The following CHIC1 variants were observed in gnomAD, a reference collection of about 807,000 sequenced individuals.
CHIC1 encodes the protein cysteine-rich hydrophobic domain-containing protein 1.
A neutral mutation model predicts 18.5 loss-of-function variants in CHIC1; 7 were observed. The ratio of observed to expected loss-of-function variants is 0.38; its 90% CI spans 0.22 to 0.71. The LOEUF is 0.71. CHIC1 is among the 30% of genes least tolerant of loss of function. The pLI is 0.49. For missense variants in CHIC1, 159 were observed against 176.9 expected, an observed-to-expected ratio of 0.90 and a Z score of 0.57; for synonymous variants, 77 against 73.5, an observed-to-expected ratio of 1.05 and a Z score of -0.25.
At chrX:73,633,400 T>C (rs1204502669) in intron 3 of CHIC1, among the ~76,000 whole-genome samples, 1 of 111,336 alleles carries the variant, frequency 9.0e-6, no homozygotes, top group Non-Finnish European at 1.9e-5. Flanking sequence ...ATCTGCTGAT[T>C]TTCTTATTGG....
At chrX:73,643,413 C>T (rs1264751393) in intron 3 of CHIC1, among the ~76,000 whole-genome samples, 6 of 110,769 alleles carry the variant, frequency 5.4e-5, no homozygotes, top group Non-Finnish European at 1.1e-4. Context: ...GAATGTTAGC[C>T]TGCCTTGCTA....
intron 3 of CHIC1, among the ~76,000 whole-genome samples, chrX:73,596,724 C>T: frequency 9.0e-6 from 1 of 110,874 alleles, no homozygotes; most frequent in Non-Finnish European, 1.9e-5. Flanking sequence ...AATAACACCA[C>T]ACACCTACAA....
chrX:73,658,175 A>G (rs2057959904), intron 3 of CHIC1, among the ~76,000 whole-genome samples: 1 of 104,132 alleles, frequency 9.6e-6, no homozygotes, highest in African/African-American at 3.5e-5. Flanking sequence ...ATTTATTGGA[A>G]TAGTTTTAGT....
rs944880570 is a variant in CHIC1 at position 73,583,229 on chromosome X, T to C, written c.352-1188T>C. Among the ~76,000 whole-genome samples the C allele has an allele frequency of 5.4e-5, 6 of 111,429 alleles. No homozygotes were observed. The Admixed American group carries it at 5.7e-4, about 11-fold the overall frequency. On this transcript the variant is annotated intron_variant, in intron 2 of 5. Coordinates refer to ENST00000373502, the MANE Select transcript of CHIC1 (RefSeq NM_001039840.4). ...ACATGAACAATTCTAATAAAACTTC[T>C]AATAAAGCTTATATATGTAATGTTT...
At chrX:73,668,152 T>C (rs190383123) in intron 3 of CHIC1, among the ~76,000 whole-genome samples, 2 of 112,423 alleles carry the variant, frequency 1.8e-5, no homozygotes, top group Admixed American at 1.9e-4. Flanking sequence ...TTGGTCTACT[T>C]TGCCATTAAT....
intron 3 of CHIC1, among the ~76,000 whole-genome samples, chrX:73,600,446 T>C (rs1284909851): frequency 1.9e-5 from 2 of 104,801 alleles, no homozygotes; most frequent in East Asian, 2.9e-4. Context: ...TTTTTGCCCA[T>C]TCAGTATGAT....
chrX:73,594,732 T>C (rs1202937742), intron 3 of CHIC1, among the ~76,000 whole-genome samples: 2 of 111,694 alleles, frequency 1.8e-5, no homozygotes, highest in Non-Finnish European at 3.8e-5. Context: ...ATAGGAACTC[T>C]ATAGCCATTA....
At chrX:73,592,749 A>T (rs2057588238) in intron 3 of CHIC1, among the ~76,000 whole-genome samples, 1 of 109,583 alleles carries the variant, frequency 9.1e-6, no homozygotes. Context: ...CTCCTCCTCT[A>T]TTTTTTGGAA....
intron 3 of CHIC1, among the ~76,000 whole-genome samples, chrX:73,652,604 T>C (rs144820909): frequency 2.8e-3 from 312 of 112,247 alleles, no homozygotes; most frequent in Non-Finnish European, 4.8e-3. Flanking sequence ...AAGACATTTA[T>C]GTGGCCAACA....
chrX:73,660,705 G>A (rs1159922673), intron 3 of CHIC1, among the ~76,000 whole-genome samples: 3 of 110,711 alleles, frequency 2.7e-5, no homozygotes, highest in African/African-American at 9.9e-5. Context: ...TTCATTTCTG[G>A]TACCGGGTTG....
chrX:73,596,905 A>G (rs763745431), intron 3 of CHIC1, among the ~76,000 whole-genome samples: 7 of 112,428 alleles, frequency 6.2e-5, no homozygotes, highest in African/African-American at 1.6e-4. Context: ...TTTAAATGTA[A>G]GATCCAAAAC....
At chrX:73,572,079 A>T (rs1411815712) in intron 1 of CHIC1, among the ~76,000 whole-genome samples, 2 of 111,110 alleles carry the variant, frequency 1.8e-5, no homozygotes, top group Non-Finnish European at 3.8e-5. Context: ...CATAGTACCC[A>T]ATAGGTAGTT....
chrX:73,639,694 T>G (rs1043150928), intron 3 of CHIC1, among the ~76,000 whole-genome samples: 4 of 111,816 alleles, frequency 3.6e-5, no homozygotes, highest in African/African-American at 1.3e-4. Context: ...TTTTATATGA[T>G]GTAGGAAAGT....
chrX:73,585,480 T>C (rs1289265774), intron 3 of CHIC1, among the ~76,000 whole-genome samples: 6 of 111,242 alleles, frequency 5.4e-5, no homozygotes, highest in African/African-American at 2.0e-4. Context: ...TATTGCTTAG[T>C]CTATTGTTTG....
At chrX:73,583,301 T>A (rs2057536282) in intron 2 of CHIC1, among the ~76,000 whole-genome samples, 1 of 111,189 alleles carries the variant, frequency 9.0e-6, no homozygotes, top group Non-Finnish European at 1.9e-5. Context: ...TTTATAACAT[T>A]TGCTAATAGG....
At chrX:73,646,461 A>T (rs1396910739) in intron 3 of CHIC1, among the ~76,000 whole-genome samples, 1 of 112,192 alleles carries the variant, frequency 8.9e-6, no homozygotes, top group Non-Finnish European at 1.9e-5. Context: ...TTTCATAGGA[A>T]TTGCACAAAC....
intron 3 of CHIC1, among the ~76,000 whole-genome samples, chrX:73,662,909 C>A (rs2057987520): frequency 8.9e-6 from 1 of 111,758 alleles, no homozygotes. Context: ...GGGATCAAAG[C>A]TTGATTTACA....
At chrX:73,586,679 T>C (rs1271436102) in intron 3 of CHIC1, among the ~76,000 whole-genome samples, 1 of 111,524 alleles carries the variant, frequency 9.0e-6, no homozygotes, top group Non-Finnish European at 1.9e-5. Context: ...CAGAATCACA[T>C]GGCAAATAGC....
intron 3 of CHIC1, among the ~76,000 whole-genome samples, chrX:73,609,851 G>A (rs770564018): frequency 9.2e-6 from 1 of 108,840 alleles, no homozygotes; most frequent in Admixed American, 9.6e-5. Flanking sequence ...ATAATACATT[G>A]TAATTAACTA....
Sources: gnomAD v4.1 joint callset for allele counts (sites outside exome capture counted in the v4.1 genomes callset) on GRCh38, gnomAD v4.1.1 for gene constraint, MANE v1.5 for transcripts, NCBI Gene and HGNC (gene_info 2026-07-23, HGNC 2026-07-21) for gene names.